DCC: variants seen among roughly 807,000 people sequenced by gnomAD.
The protein encoded by DCC is netrin receptor DCC.
A neutral mutation model predicts 172.5 loss-of-function variants in DCC; 58 were observed. That is an observed-to-expected ratio of 0.34 (90% CI 0.27 to 0.42). DCC has a LOEUF of 0.42. Ranked by LOEUF, DCC falls within the 10% of genes least tolerant of loss-of-function variation. The pLI is 1.00. For synonymous variants in DCC, 709 were observed against 644.5 expected (o/e 1.10, Z -1.52); for missense variants, 1,740 against 1,791.0 (o/e 0.97, Z 0.51).
chr18:53,103,972 A>G (rs1181657276), intron 7 of DCC, among the ~76,000 whole-genome samples: 1 of 152,060 alleles, frequency 6.6e-6, no homozygotes, highest in African/African-American at 2.4e-5. Context: ...GGGGATTCCA[A>G]AGCACTCTGT....
chr18:53,312,172 A>G (rs1295201854), intron 13 of DCC, among the ~76,000 whole-genome samples: 47 of 35,756 alleles, frequency 1.3e-3, no homozygotes, highest in Admixed American at 7.9e-3. Context: ...AAAAAAAAAA[A>G]AAAAAGAAAA....
intron 5 of DCC, among the ~76,000 whole-genome samples, chr18:53,021,979 T>A (rs2143923382): frequency 6.6e-6 from 1 of 152,312 alleles, no homozygotes; most frequent in Non-Finnish European, 1.5e-5. Context: ...AGTTTGATAG[T>A]TTAGTTGCAA....
At chr18:53,278,345 G>A (rs1412487948) in intron 12 of DCC, among the ~76,000 whole-genome samples, 2 of 152,164 alleles carry the variant, frequency 1.3e-5, no homozygotes, top group African/African-American at 4.8e-5. Context: ...ACTTTGTAGG[G>A]TAACATTGAC....
chr18:53,327,568 T>C (rs1213530228), intron 14 of DCC, among the ~76,000 whole-genome samples: 2 of 152,156 alleles, frequency 1.3e-5, no homozygotes, highest in Non-Finnish European at 1.5e-5. Context: ...AAGTCGGCAG[T>C]GCAGACTTAA....
intron 1 of DCC, among the ~76,000 whole-genome samples, chr18:52,647,603 C>T (rs1234762619): frequency 6.6e-6 from 1 of 152,194 alleles, no homozygotes; most frequent in East Asian, 1.9e-4. Flanking sequence ...CTTGGAAACA[C>T]CGTAGGTCTG....
intron 14 of DCC, among the ~76,000 whole-genome samples, chr18:53,335,949 G>C (rs545855058): frequency 3.9e-5 from 6 of 152,216 alleles, no homozygotes; most frequent in African/African-American, 1.4e-4. Context: ...CACGATAATA[G>C]CACAGGAAAG....
chr18:52,582,479 C>A (rs901967272), intron 1 of DCC, among the ~76,000 whole-genome samples: 2 of 152,186 alleles, frequency 1.3e-5, no homozygotes, highest in African/African-American at 4.8e-5. Flanking sequence ...TACGCAGCAT[C>A]TTGGTTTATA....
At chr18:52,743,598 C>T (rs117825484) in intron 1 of DCC, among the ~76,000 whole-genome samples, 17 of 152,268 alleles carry the variant, frequency 1.1e-4, no homozygotes, top group Non-Finnish European at 2.2e-4. Context: ...TGTTCTTTAC[C>T]ATTGGATTTA....
At chr18:52,784,123 G>C (rs545444083) in intron 2 of DCC, among the ~76,000 whole-genome samples, 18 of 152,062 alleles carry the variant, frequency 1.2e-4, no homozygotes, top group African/African-American at 3.9e-4. Context: ...TCATTCTAGT[G>C]TATAAGTCCA....
At chr18:52,448,880 A>G (rs762947330) in intron 1 of DCC, among the ~76,000 whole-genome samples, 2 of 152,246 alleles carry the variant, frequency 1.3e-5, no homozygotes, top group Non-Finnish European at 2.9e-5. Context: ...CGTGGGATGT[A>G]AGGTGAAGAA....
chr18:52,756,024 T>C (rs1304076593), intron 2 of DCC, among the ~76,000 whole-genome samples: 1 of 152,224 alleles, frequency 6.6e-6, no homozygotes, highest in African/African-American at 2.4e-5. Flanking sequence ...TCTTAAAAGT[T>C]GCAAAGTAAC....
intron 2 of DCC, among the ~76,000 whole-genome samples, chr18:52,853,109 G>A (rs2039002539): frequency 6.6e-6 from 1 of 151,932 alleles, no homozygotes; most frequent in African/African-American, 2.4e-5. Flanking sequence ...AAATGTTAGG[G>A]TGGGACAACG....
At chr18:52,448,517 C>T (rs1052182402) in intron 1 of DCC, among the ~76,000 whole-genome samples, 5 of 151,570 alleles carry the variant, frequency 3.3e-5, no homozygotes, top group African/African-American at 1.2e-4. Context: ...GAAATGAGTG[C>T]CTTTGAAGAC....
intron 13 of DCC, among the ~76,000 whole-genome samples, chr18:53,310,508 A>G (rs2144796451): frequency 6.6e-6 from 1 of 152,182 alleles, no homozygotes; most frequent in Non-Finnish European, 1.5e-5. Context: ...ATAATGAGAC[A>G]TCTGCAATAA....
chr18:53,066,252 C>T (rs1599090348), intron 7 of DCC, 86 bp downstream of exon 7: 6 of 1,307,930 alleles, frequency 4.6e-6, no homozygotes, highest in Non-Finnish European at 6.6e-6. Flanking sequence ...TTTCCTACCC[C>T]TCAAGGGCAA....
intron 21 of DCC, among the ~76,000 whole-genome samples, chr18:53,433,204 C>T (rs1203450946): frequency 6.6e-6 from 1 of 152,156 alleles, no homozygotes; most frequent in Non-Finnish European, 1.5e-5. Context: ...TATACGGCAT[C>T]TGATTTCTTC....
chr18:53,285,079 T>C (rs990264687), intron 12 of DCC, among the ~76,000 whole-genome samples: 1 of 152,056 alleles, frequency 6.6e-6, no homozygotes, highest in African/African-American at 2.4e-5. Context: ...AAGATAAAAG[T>C]CTGGAAAATT....
At chr18:52,718,981 G>T (rs2036432283) in intron 1 of DCC, among the ~76,000 whole-genome samples, 1 of 152,252 alleles carries the variant, frequency 6.6e-6, no homozygotes, top group Non-Finnish European at 1.5e-5. Flanking sequence ...GATGTCAGCA[G>T]GTCCATTTTC....
intron 12 of DCC, among the ~76,000 whole-genome samples, chr18:53,247,384 G>C (rs2056377792): frequency 6.6e-6 from 1 of 151,926 alleles, no homozygotes; most frequent in Non-Finnish European, 1.5e-5. Flanking sequence ...AAAATTTGGT[G>C]CAAAGGTGGC....
Sources: gnomAD v4.1 joint callset for allele counts (sites outside exome capture counted in the v4.1 genomes callset) on GRCh38, gnomAD v4.1.1 for gene constraint, MANE v1.5 for transcripts, NCBI Gene and HGNC (gene_info 2026-07-23, HGNC 2026-07-21) for gene names.